C16orf96: variants seen among roughly 807,000 people sequenced by gnomAD.
The protein encoded by C16orf96 is chromosome 16 open reading frame 96.
In C16orf96, 108 loss-of-function variants were observed where a neutral mutation model predicts 103.6. That is an observed-to-expected ratio of 1.04 (90% CI 0.89 to 1.22). C16orf96 has a LOEUF of 1.22. Among genes scored for constraint, C16orf96 ranks in the 50% most tolerant of loss-of-function variants. The pLI is 0.00. For missense variants in C16orf96, 1,586 were observed against 1,464.2 expected (o/e 1.08, Z -1.36); for synonymous variants, 566 against 593.5 (o/e 0.95, Z 0.67).
the C16orf96 span, among the ~76,000 whole-genome samples, chr16:4,540,793 G>T: frequency 6.6e-6 from 1 of 151,938 alleles, no homozygotes; most frequent in Non-Finnish European, 1.5e-5. Flanking sequence ...AGGCACCCAG[G>T]CTGGAGTACA....
At position 4,576,465 on chromosome 16, in the gene C16orf96, C is replaced by G. The variant is rs1180533213; in HGVS notation, c.1985C>G (p.Ala662Gly). The change falls in exon 5 of 16, where the codon GCC becomes GGC. Residue 662 changes from alanine (A) to glycine (G), a missense_variant. Ala to Gly is a moderately conservative substitution (Grantham distance 60, BLOSUM62 0). Coordinates refer to ENST00000444310, the MANE Select transcript of C16orf96 (RefSeq NM_001145011.2). ...YSAASIGPDP[A>G]LSQAMVATKQ... ...GCTGCCAGCATCGGTCCCGATCCAG[C>G]CCTGTCCCAGGCCATGGTGGCTACC... is the stretch of plus-strand genomic sequence containing the variant. The G allele has an allele frequency of 6.4e-7, 1 of 1,551,470 alleles. No homozygotes were observed. Among genetic ancestry groups the G allele is most frequent in the South Asian group, 1.2e-5 (1 of 84,070 alleles).
At position 4,556,792 on chromosome 16, in the gene C16orf96, GCC is replaced by G; in HGVS notation, c.305_306del (p.Pro102LeufsTer33). The part of the protein sequence containing the change: ...ENQLALLQDL[P>X]STAQLLEASQ... Reference sequence around the variant, plus strand: ...ACCAGCTGGCCCTGCTGCAGGACCTGCCCTCCACTGCCCAGCTGCTGGAAGCC... The same window carrying G: ...ACCAGCTGGCCCTGCTGCAGGACCTGCTCCACTGCCCAGCTGCTGGAAGCC... On this transcript the variant is annotated frameshift_variant, in exon 1 of 16. Transcript: ENST00000444310. LOFTEE classifies it high-confidence loss of function. 6.4e-7 allele frequency: 1 copy of G among 1,551,642 alleles called. No homozygotes were observed. Among genetic ancestry groups the G allele is most frequent in the Non-Finnish European group, 8.7e-7 (1 of 1,147,010 alleles).
At chr16:4,570,559 G>C (rs1203785888) in intron 1 of C16orf96, among the ~76,000 whole-genome samples, 1 of 151,244 alleles carries the variant, frequency 6.6e-6, no homozygotes, top group Non-Finnish European at 1.5e-5. Flanking sequence ...CTGCCTCCCA[G>C]GTTCAAGTGA....
At chr16:4,583,496 ACT>A (rs1896842136) in intron 7 of C16orf96, among the ~76,000 whole-genome samples, 1 of 152,074 alleles carries the variant, frequency 6.6e-6, no homozygotes, top group South Asian at 2.1e-4. Context: ...ACAGAGTGAG[ACT>A]CTGTCTCAAA....
Position 4,594,357 on chromosome 16 carries a change from G to A in C16orf96, c.2874G>A (p.Gln958=), listed in dbSNP as rs1452796258. The change falls in exon 13 of 16, where the codon CAG becomes CAA. Residue 958 remains glutamine (Q), a synonymous_variant. Coordinates refer to ENST00000444310, the MANE Select transcript of C16orf96 (RefSeq NM_001145011.2). ...EYLQRQQMRE[Q]QWLQLQDLGI... The stretch of plus-strand genomic sequence containing the variant: ...ACCCACTGCCCTGCTGCAGGGAACA[G>A]CAGTGGCTGCAGCTCCAGGACCTCG... 1 of 1,550,800 alleles carries A rather than the reference G, an allele frequency of 6.4e-7. No individual in the cohort carries two copies. Among genetic ancestry groups the A allele is most frequent in the Non-Finnish European group, 8.7e-7 (1 of 1,146,944 alleles).
In C16orf96 at chr16:4,595,882, A is replaced by AT. The variant is rs368575384; in HGVS notation, c.3127+1085dup. Among the ~76,000 whole-genome samples the AT allele has an allele frequency of 5.4e-3, 816 of 151,644 alleles. 13 individuals carry two copies. Among genetic ancestry groups the AT allele is most frequent in the African/African-American group, 0.019 (772 of 41,336 alleles). The stretch of plus-strand genomic sequence containing the variant: ...CCACCACGCCCGGCTAAATTTTTGT[A>AT]TTTTTTAGTAGAGACGGGGTTTCAC... On this transcript the variant is annotated intron_variant, in intron 14 of 15. Coordinates refer to ENST00000444310, the MANE Select transcript of C16orf96 (RefSeq NM_001145011.2).
At chr16:4,553,949 A>G (rs1567433709), upstream of C16orf96, among the ~76,000 whole-genome samples, 1 of 152,170 alleles carries the variant, frequency 6.6e-6, no homozygotes, top group Non-Finnish European at 1.5e-5. Context: ...CATGAACTCA[A>G]TGTGGAATCC....
Position 4,575,240 on chromosome 16 carries a change from C to T in C16orf96, c.760C>T (p.Gln254Ter), listed in dbSNP as rs556718262. ...GCAGCTCCCAGAGGCTGCCCTGGCC[C>T]AGACCACCAAGTACCTTGAAGCTAC... The part of the protein sequence containing the change: ...VEQLPEAALA[Q>*]TTKYLEATRA... Residue 254 changes from glutamine to a stop codon, truncating the protein, a stop_gained, in exon 5 of 16, where the codon CAG (glutamine) becomes TAG (stop). Coordinates refer to ENST00000444310, the MANE Select transcript of C16orf96 (RefSeq NM_001145011.2). LOFTEE classifies it high-confidence loss of function. The T allele has an allele frequency of 5.8e-5, 90 of 1,548,976 alleles. 2 individuals are homozygous for T. In the South Asian group the frequency reaches 9.6e-4, roughly 17 times the overall value.
Position 4,594,521 on chromosome 16 carries a change from C to A in C16orf96, c.3027+11C>A, listed in dbSNP as rs1162317629. The A allele has an allele frequency of 1.9e-6, 3 of 1,548,988 alleles. No homozygotes were observed. Among genetic ancestry groups the A allele is most frequent in the Admixed American group, 2.0e-5 (1 of 50,974 alleles). ...ATCGACTATGACAGCGTGAGTCTGG[C>A]CGGGGCCTCCTTCTCAGAGGGTGGA... On this transcript the variant is annotated intron_variant, in intron 13 of 15. Transcript: ENST00000444310.
rs575701196 is a variant in C16orf96, at chr16:4,588,351, T to C, written c.2592+20T>C. 1.1e-4 allele frequency: 167 copies of C among 1,538,340 alleles called. 1 individual carries two copies. In the Middle Eastern group the frequency reaches 1.3e-3, roughly 12 times the overall value. On this transcript the variant is annotated intron_variant, in intron 9 of 15. Coordinates refer to ENST00000444310, the MANE Select transcript of C16orf96 (RefSeq NM_001145011.2). ...ACCAAGGTGAATGCCCCCATGTTGA[T>C]TTTCACTTTATTCCTAACAAATTAA...
intron 1 of C16orf96, among the ~76,000 whole-genome samples, chr16:4,558,154 C>T (rs967638644): frequency 2.6e-5 from 4 of 152,196 alleles, no homozygotes; most frequent in East Asian, 1.9e-4. Flanking sequence ...AGGAAACTGA[C>T]GCTCAGAGGA....
chr16:4,544,008 C>A, the C16orf96 span, among the ~76,000 whole-genome samples: 33 of 152,078 alleles, frequency 2.2e-4, no homozygotes, highest in Non-Finnish European at 4.4e-4. Flanking sequence ...GCAGGAGGAC[C>A]CACTGGGAAG....
Position 4,556,836 on chromosome 16 carries a change from G to C in C16orf96, c.347G>C (p.Arg116Pro), listed in dbSNP as rs957895330. 1.3e-6 allele frequency: 2 copies of C among 1,551,588 alleles called. No homozygotes were observed. Among genetic ancestry groups the C allele is most frequent in the Non-Finnish European group, 1.7e-6 (2 of 1,146,992 alleles). ...QLLEASQGTA[R>P]PVQDLWHLIK... ...CTGGAAGCCAGCCAGGGCACTGCCCGGCCCGTCCAGGACCTGTGGCATCTG... is the reference window on the plus strand; with the variant it reads ...CTGGAAGCCAGCCAGGGCACTGCCCCGCCCGTCCAGGACCTGTGGCATCTG... Residue 116 changes from arginine (R) to proline (P), a missense_variant, in exon 1 of 16, where the codon CGG (arginine) becomes CCG (proline). Transcript: ENST00000444310.
chr16:4,579,909 C>T (rs2059562915), intron 6 of C16orf96, 106 bp from the exon 7 acceptor site: 3 of 943,624 alleles, frequency 3.2e-6, no homozygotes, highest in Admixed American at 2.3e-5. Context: ...CCACGCCCAG[C>T]CTGGTCTGGT....
chr16:4,580,819 C>T (rs922431840), intron 7 of C16orf96, among the ~76,000 whole-genome samples: 1 of 151,424 alleles, frequency 6.6e-6, no homozygotes, highest in South Asian at 2.1e-4. Flanking sequence ...GAAACCCCGT[C>T]TCTTCTAGAA....
At position 4,582,466 on chromosome 16, in the gene C16orf96, G is replaced by C. The variant is rs184253003; in HGVS notation, c.2352+2341G>C. Among the ~76,000 whole-genome samples, 301 of 152,230 alleles carry C rather than the reference G, an allele frequency of 2.0e-3. 2 individuals carry two copies. The highest frequency in any genetic ancestry group is 7.1e-3 in the African/African-American group (295 of 41,522). On this transcript the variant is annotated intron_variant, in intron 7 of 15. Transcript: ENST00000444310. ...CCCAAGGCTGGCACACTGTAATCAG[G>C]CTGGGACCCATTTGAGGCAACTTTG...
intron 11 of C16orf96, among the ~76,000 whole-genome samples, chr16:4,592,606 C>G (rs571053358): frequency 6.6e-6 from 1 of 152,366 alleles, no homozygotes; most frequent in East Asian, 1.9e-4. Flanking sequence ...TCCATGTACA[C>G]TGTTCTGTAT....
chr16:4,597,011 T>G (rs147464547), intron 14 of C16orf96, among the ~76,000 whole-genome samples: 3 of 152,172 alleles, frequency 2.0e-5, no homozygotes. Flanking sequence ...TCAAGATCCT[T>G]AAGCTAATTA....
chr16:4,585,634 G>A (rs1277822782), intron 7 of C16orf96, among the ~76,000 whole-genome samples: 1 of 152,180 alleles, frequency 6.6e-6, no homozygotes, highest in Non-Finnish European at 1.5e-5. Context: ...CTGCTGGTTG[G>A]ATCAGTTCCC....
Sources: allele counts gnomAD v4.1 joint callset (sites outside exome capture counted in the v4.1 genomes callset), GRCh38; gene constraint gnomAD v4.1.1; transcripts MANE v1.5; gene names NCBI Gene and HGNC (gene_info 2026-07-23, HGNC 2026-07-21).